Variants in SLK observed in about 807,000 individuals in gnomAD.
SLK encodes STE20 like kinase.
Under a neutral mutation model 147.7 loss-of-function variants are expected in SLK, and 67 were observed. The observed-to-expected ratio is 0.45, with a 90% CI of 0.37 to 0.56. The LOEUF (loss-of-function observed/expected upper bound fraction) is 0.56, where lower values mean the gene tolerates loss of function less well. Ranked by LOEUF, SLK falls within the 20% of genes least tolerant of loss-of-function variation. The probability of loss-of-function intolerance (pLI) is 0.00; values close to 1 mark genes in which losing one functional copy is unlikely to be tolerated. For missense variants in SLK, 1,136 were observed against 1,438.8 expected, an observed-to-expected ratio of 0.79 and a Z score of 3.41; for synonymous variants, 441 against 475.0, an observed-to-expected ratio of 0.93 and a Z score of 0.93.
chr10:104,022,599 C>G (rs1844550016), intron 18 of SLK, among the ~76,000 whole-genome samples: 1 of 152,296 alleles, frequency 6.6e-6, no homozygotes, highest in South Asian at 2.1e-4. Context: ...TAAATGAGTT[C>G]ATAGTGTGGC....
intron 1 of SLK, among the ~76,000 whole-genome samples, chr10:103,970,003 G>C (rs1215958558): frequency 6.6e-6 from 1 of 152,182 alleles, no homozygotes; most frequent in Non-Finnish European, 1.5e-5. Context: ...TAAGAGCACT[G>C]GCTCTGGAGT....
chr10:103,971,861 C>T (rs1050008680), intron 1 of SLK, among the ~76,000 whole-genome samples: 64 of 152,240 alleles, frequency 4.2e-4, no homozygotes, highest in African/African-American at 1.4e-3. Flanking sequence ...TGCTAACATC[C>T]GAGAATCCCT....
intron 15 of SLK, 150 bp from the exon 16 acceptor site, chr10:104,019,584 A>G (rs1844508687): frequency 2.9e-6 from 2 of 679,884 alleles, no homozygotes; most frequent in Admixed American, 2.5e-5. Flanking sequence ...ACTTCTTACA[A>G]GTTATTTTGT....
At chr10:103,998,163 CTAA>C (rs1229007388) in intron 4 of SLK, among the ~76,000 whole-genome samples, 11 of 152,214 alleles carry the variant, frequency 7.2e-5, no homozygotes, top group Non-Finnish European at 4.4e-5. Context: ...GTGAATATGG[CTAA>C]TAATAGCTAC....
rs936477192 is a variant in SLK, at chr10:104,026,798, T to G, written c.*1078T>G. ...TAGGCACGTCAGGAATTACTTTTCCTTATTTTGAAATGAGGCTACTTATGT... is the reference window on the plus strand; with the variant it reads ...TAGGCACGTCAGGAATTACTTTTCCGTATTTTGAAATGAGGCTACTTATGT... On this transcript the variant is annotated 3_prime_UTR_variant, in exon 19 of 19. Coordinates refer to ENST00000369755, the MANE Select transcript of SLK (RefSeq NM_014720.4). 4.6e-5 allele frequency: 7 copies of G among 152,262 alleles called. No individual in the cohort carries two copies. The highest frequency in any genetic ancestry group is 1.0e-4 in the Non-Finnish European group (7 of 68,050). 9.4% of individuals were successfully genotyped at this position (152,262 alleles called of 1,614,324 possible). A position where few individuals can be genotyped will look rare whatever the true frequency, so the allele number is the denominator to read the frequency against.
chr10:103,971,457 G>A (rs1298887969), intron 1 of SLK, among the ~76,000 whole-genome samples: 3 of 152,152 alleles, frequency 2.0e-5, no homozygotes, highest in Non-Finnish European at 4.4e-5. Flanking sequence ...TGTATTTTTA[G>A]TAGAGACGGG....
intron 18 of SLK, among the ~76,000 whole-genome samples, chr10:104,024,221 C>A (rs1844570081): frequency 6.6e-6 from 1 of 152,184 alleles, no homozygotes; most frequent in South Asian, 2.1e-4. Context: ...TATCCTGGTG[C>A]TTGTTTAAAT....
intron 1 of SLK, among the ~76,000 whole-genome samples, chr10:103,985,755 A>G (rs1031577992): frequency 1.6e-4 from 25 of 152,238 alleles, no homozygotes; most frequent in Non-Finnish European, 8.8e-5. Context: ...ATGTTAGAAA[A>G]TGTAAAAATA....
chr10:104,028,686 AGAAGT>A lies in SLK; in HGVS notation c.*2969_*2973del, dbSNP rs1485802508. 6.6e-6 allele frequency: 1 copy of A among 152,204 alleles called. No individual in the cohort carries two copies. The allele number at this position is 152,204 out of a possible 1,614,324, so 9.4% of individuals were successfully genotyped here. A position where few individuals can be genotyped will look rare whatever the true frequency, so the allele number is the denominator to read the frequency against. ...GATTTCTTGAGCATCAGCGAGTTTC[AGAAGT>A]GACTATTTTTTTGTACTCTTCTAGT... On this transcript the variant is annotated 3_prime_UTR_variant, in exon 19 of 19. Transcript: ENST00000369755.
intron 1 of SLK, among the ~76,000 whole-genome samples, chr10:103,985,127 ATTG>A (rs1401283827): frequency 2.0e-5 from 3 of 152,126 alleles, no homozygotes; most frequent in Middle Eastern, 3.2e-3. Flanking sequence ...TTTTATTATT[ATTG>A]TTGTTAGTCT....
chr10:104,002,674 T>C lies in SLK; in HGVS notation c.1496T>C (p.Val499Ala). ...EEIKDTILQT[V>A]DLVSQETGEK... Reference sequence around the variant, plus strand: ...ATTAAAGATACTATTTTGCAAACAGTAGATTTAGTTTCTCAAGAGACTGGA... The same window carrying C: ...ATTAAAGATACTATTTTGCAAACAGCAGATTTAGTTTCTCAAGAGACTGGA... The change falls in exon 9 of 19, where the codon GTA becomes GCA. Residue 499 changes from valine to alanine, a missense_variant. Around this residue, in one of 6 missense-constraint regions of SLK, gnomAD observed 516 missense variants for 531.3 expected, o/e 0.97. Transcript: ENST00000369755. The C allele has an allele frequency of 1.9e-6, 3 of 1,610,594 alleles. No individual in the cohort carries two copies. The highest frequency in any genetic ancestry group is 2.5e-6 in the Non-Finnish European group (3 of 1,179,106).
Position 104,010,886 on chromosome 10 carries a change from T to C in SLK, c.2855T>C (p.Leu952Pro). The change falls in exon 13 of 19, where the codon CTT (leucine) becomes CCT (proline). Residue 952 changes from leucine (L) to proline (P), a missense_variant. This residue lies in a region of SLK where 327 missense variants were observed against 457.5 expected (regional missense o/e 0.71). Coordinates refer to ENST00000369755, the MANE Select transcript of SLK (RefSeq NM_014720.4). ...CTCATGAAACGCAGGAAAGAGGAGC[T>C]TGCACAAAGCCAGCATGCTCAGGTA... ...KELMKRRKEE[L>P]AQSQHAQEQE... 1 of 1,589,988 alleles carries C rather than the reference T, an allele frequency of 6.3e-7. No homozygotes were observed. Among genetic ancestry groups the C allele is most frequent in the South Asian group, 1.2e-5 (1 of 86,534 alleles).
intron 13 of SLK, among the ~76,000 whole-genome samples, chr10:104,016,757 G>A (rs1251306817): frequency 6.7e-6 from 1 of 149,092 alleles, no homozygotes; most frequent in African/African-American, 2.6e-5. Context: ...ATCCTGAGGA[G>A]TGGAGTGAGA....
chr10:104,017,775 C>G (rs972644503), intron 13 of SLK, among the ~76,000 whole-genome samples: 4 of 152,188 alleles, frequency 2.6e-5, no homozygotes, highest in African/African-American at 9.6e-5. Context: ...CCACCACACC[C>G]GACACTTAAA....
chr10:103,984,040 G>A (rs2487990), intron 1 of SLK, among the ~76,000 whole-genome samples: 148,677 of 152,286 alleles, frequency 0.98, 72,670 homozygotes, highest in Middle Eastern at 1. Context: ...TTTTTCAGTT[G>A]GCAACAGAGT....
chr10:104,002,769 T>C lies in SLK; in HGVS notation c.1591T>C (p.Leu531=), dbSNP rs755987168. ...GLTKEDTQEK[L]GEDDKTQKDV... is the part of the protein sequence containing the mutation. Reference sequence around the variant, plus strand: ...TACAAAGGAAGACACCCAAGAGAAATTGGGGGAAGACGACAAAACTCAAAA... The same window carrying C: ...TACAAAGGAAGACACCCAAGAGAAACTGGGGGAAGACGACAAAACTCAAAA... The change falls in exon 9 of 19, where the codon TTG becomes CTG. Residue 531 remains leucine, a synonymous_variant. Transcript: ENST00000369755. 46 of 1,613,744 alleles carry C rather than the reference T, an allele frequency of 2.9e-5. No homozygotes were observed. The highest frequency in any genetic ancestry group is 3.9e-5 in the Non-Finnish European group (46 of 1,180,004).
chr10:104,020,704 G>T (rs1589547909), intron 17 of SLK, 91 bp downstream of exon 17: 3 of 1,356,428 alleles, frequency 2.2e-6, no homozygotes, highest in East Asian at 4.7e-5. Context: ...AAAGTCAACT[G>T]CATCATACAC....
chr10:103,985,962 G>T (rs1012591898), intron 1 of SLK, among the ~76,000 whole-genome samples: 1 of 152,116 alleles, frequency 6.6e-6, no homozygotes, highest in Non-Finnish European at 1.5e-5. Context: ...GATGATTCAT[G>T]AAAATAAAAA....
intron 11 of SLK, 107 bp from the exon 12 acceptor site, chr10:104,008,070 A>G: frequency 1.2e-6 from 1 of 808,306 alleles, no homozygotes; most frequent in Non-Finnish European, 2.0e-6. Context: ...GTTATAGTAC[A>G]TTACTAAATT....
Sources: allele counts gnomAD v4.1 joint callset (sites outside exome capture counted in the v4.1 genomes callset), GRCh38; gene constraint gnomAD v4.1.1; regional missense constraint gnomAD v4.1.1; transcripts MANE v1.5; gene names NCBI Gene and HGNC (gene_info 2026-07-23, HGNC 2026-07-21).